GABBR2: variants seen among roughly 807,000 people sequenced by gnomAD.
GABBR2 encodes gamma-aminobutyric acid type B receptor subunit 2.
In GABBR2, 23 loss-of-function variants were observed where a neutral mutation model predicts 105.6. The observed-to-expected ratio is 0.22, with a 90% confidence interval of 0.16 to 0.31. The LOEUF is 0.31. Among genes scored for constraint, GABBR2 ranks in the 10% least tolerant of loss-of-function variants. GABBR2 has a pLI of 1.00. For synonymous variants in GABBR2, 478 were observed against 499.7 expected, an observed-to-expected ratio of 0.96 and a Z score of 0.58; for missense variants, 734 against 1,245.5, an observed-to-expected ratio of 0.59 and a Z score of 6.18.
At chr9:98,316,083 A>T (rs1830712085) in intron 13 of GABBR2, among the ~76,000 whole-genome samples, 1 of 152,030 alleles carries the variant, frequency 6.6e-6, no homozygotes, top group Admixed American at 6.5e-5. Context: ...TCTTCTGTAC[A>T]GGACAGCATT....
At chr9:98,653,767 A>C (rs935759507) in intron 1 of GABBR2, among the ~76,000 whole-genome samples, 2 of 151,954 alleles carry the variant, frequency 1.3e-5, no homozygotes, top group East Asian at 3.9e-4. Flanking sequence ...ACACACAAAC[A>C]CACCTCTTTT....
chr9:98,511,033 A>G (rs1588204242), intron 3 of GABBR2, among the ~76,000 whole-genome samples: 1 of 152,350 alleles, frequency 6.6e-6, no homozygotes, highest in East Asian at 1.9e-4. Context: ...AATGTAAAAG[A>G]ACAGAAGTTA....
At chr9:98,706,845 C>T (rs896656530) in intron 1 of GABBR2, among the ~76,000 whole-genome samples, 1 of 152,232 alleles carries the variant, frequency 6.6e-6, no homozygotes, top group Non-Finnish European at 1.5e-5. Flanking sequence ...CTCCGTGTAA[C>T]TGCATTGCTG....
At chr9:98,444,241 G>A (rs982748895) in intron 7 of GABBR2, among the ~76,000 whole-genome samples, 4 of 152,178 alleles carry the variant, frequency 2.6e-5, no homozygotes, top group Non-Finnish European at 5.9e-5. Flanking sequence ...CAATAAATAA[G>A]TAAAATATGT....
At chr9:98,353,114 C>G (rs1290475132) in intron 13 of GABBR2, among the ~76,000 whole-genome samples, 4 of 152,098 alleles carry the variant, frequency 2.6e-5, no homozygotes, top group African/African-American at 9.7e-5. Flanking sequence ...CTAAGGAGCT[C>G]TCCTTGGCTA....
chr9:98,393,717 G>T (rs570679225), intron 9 of GABBR2, among the ~76,000 whole-genome samples: 1 of 152,340 alleles, frequency 6.6e-6, no homozygotes, highest in Admixed American at 6.5e-5. Flanking sequence ...GGAGTCATTA[G>T]CTCAGTTGGA....
At chr9:98,318,417 G>A (rs1174664926) in intron 13 of GABBR2, among the ~76,000 whole-genome samples, 3 of 152,210 alleles carry the variant, frequency 2.0e-5, no homozygotes, top group Admixed American at 1.3e-4. Context: ...CTTAGCGCAA[G>A]GCCAGACTTG....
At chr9:98,671,175 A>G (rs1188568273) in intron 1 of GABBR2, among the ~76,000 whole-genome samples, 1 of 150,796 alleles carries the variant, frequency 6.6e-6, no homozygotes, top group Admixed American at 6.6e-5. Context: ...GCTCTCTGCC[A>G]ATCTCTAAGC....
chr9:98,487,255 C>T (rs980719070), intron 4 of GABBR2, among the ~76,000 whole-genome samples: 2 of 152,164 alleles, frequency 1.3e-5, no homozygotes, highest in African/African-American at 4.8e-5. Flanking sequence ...CCTGTATGAA[C>T]TTCAGTTTCA....
chr9:98,470,671 C>T lies in GABBR2; in HGVS notation c.999+2475G>A, dbSNP rs140117553. 2.3e-4 allele frequency among the ~76,000 whole-genome samples: 35 copies of T among 152,138 alleles called. No individual in the cohort carries two copies. The East Asian group carries it at 6.0e-3, about 26-fold the overall frequency. ...AAGAAATCCATGATGAACAAAACATCGGAATTTAAATAAAGATAGAATCCA... is the reference window on the plus strand; with the variant it reads ...AAGAAATCCATGATGAACAAAACATTGGAATTTAAATAAAGATAGAATCCA... On this transcript the variant is annotated intron_variant, in intron 6 of 18. Coordinates refer to ENST00000259455, the MANE Select transcript of GABBR2 (RefSeq NM_005458.8).
chr9:98,400,106 C>T (rs1832367095), intron 8 of GABBR2, among the ~76,000 whole-genome samples: 1 of 150,392 alleles, frequency 6.6e-6, no homozygotes, highest in East Asian at 1.9e-4. Flanking sequence ...ATGGCTTACA[C>T]CTGGGAGTTC....
At chr9:98,500,753 C>T (rs1827381965) in intron 3 of GABBR2, among the ~76,000 whole-genome samples, 1 of 152,160 alleles carries the variant, frequency 6.6e-6, no homozygotes, top group South Asian at 2.1e-4. Context: ...TGGTGTGGCC[C>T]ATCCATGTGA....
chr9:98,468,229 T>C (rs1826599976), intron 6 of GABBR2, among the ~76,000 whole-genome samples: 1 of 152,172 alleles, frequency 6.6e-6, no homozygotes, highest in African/African-American at 2.4e-5. Context: ...AGAAAACTCC[T>C]GGTGCTAATG....
chr9:98,601,614 A>G (rs1184636537), intron 1 of GABBR2, among the ~76,000 whole-genome samples: 4 of 152,230 alleles, frequency 2.6e-5, no homozygotes, highest in Non-Finnish European at 5.9e-5. Flanking sequence ...CATAAGAAGG[A>G]AGGAGGAGGA....
At position 98,579,508 on chromosome 9, in the gene GABBR2, A is replaced by G. The variant is rs558932657; in HGVS notation, c.322-1436T>C. ...CATGGGCAAGTTCAACCCCTCCACCATCTAGCTGTCTGAGGGTCCTTTGTC... is the reference window on the plus strand; with the variant it reads ...CATGGGCAAGTTCAACCCCTCCACCGTCTAGCTGTCTGAGGGTCCTTTGTC... On this transcript the variant is annotated intron_variant, in intron 1 of 18. Coordinates refer to ENST00000259455, the MANE Select transcript of GABBR2 (RefSeq NM_005458.8). 2.3e-4 allele frequency among the ~76,000 whole-genome samples: 35 copies of G among 152,200 alleles called. 2 individuals carry two copies. The South Asian group carries it at 6.2e-3, about 27-fold the overall frequency.
At chr9:98,523,971 G>GA (rs1284333876) in intron 3 of GABBR2, among the ~76,000 whole-genome samples, 1 of 147,782 alleles carries the variant, frequency 6.8e-6, no homozygotes, top group African/African-American at 2.5e-5. Context: ...TAATCAAGGG[G>GA]AAAAGTGGGA....
At chr9:98,592,252 A>G (rs754517293) in intron 1 of GABBR2, among the ~76,000 whole-genome samples, 2 of 152,222 alleles carry the variant, frequency 1.3e-5, no homozygotes, top group South Asian at 2.1e-4. Context: ...GGAGCCTACT[A>G]TGACTGCCAC....
intron 1 of GABBR2, among the ~76,000 whole-genome samples, chr9:98,580,719 C>T (rs190147224): frequency 2.0e-5 from 3 of 152,112 alleles, no homozygotes; most frequent in Non-Finnish European, 2.9e-5. Flanking sequence ...ACCTGGGAGG[C>T]GGAGGTTGCA....
intron 7 of GABBR2, among the ~76,000 whole-genome samples, chr9:98,422,842 A>C (rs979172469): frequency 5.0e-5 from 7 of 139,880 alleles, no homozygotes; most frequent in Non-Finnish European, 7.5e-5. Flanking sequence ...ATTCCCATCT[A>C]TGAGTGAGAA....
Sources: allele counts gnomAD v4.1 joint callset (sites outside exome capture counted in the v4.1 genomes callset), GRCh38; gene constraint gnomAD v4.1.1; transcripts MANE v1.5; gene names NCBI Gene and HGNC (gene_info 2026-07-23, HGNC 2026-07-21).